FREM2: variants seen among roughly 807,000 people sequenced by gnomAD.
FREM2 encodes FRAS1 related extracellular matrix 2.
FREM2 carries 119 observed loss-of-function variants against 219.9 expected under a neutral mutation model. That is an observed-to-expected ratio of 0.54 (90% CI 0.47 to 0.63). The LOEUF (loss-of-function observed/expected upper bound fraction) is 0.63, where lower values mean the gene tolerates loss of function less well. Ranked by LOEUF, FREM2 falls within the 30% of genes least tolerant of loss-of-function variation. The pLI is 0.00. For synonymous variants in FREM2, 1,562 were observed against 1,522.8 expected, an observed-to-expected ratio of 1.03 and a Z score of -0.60; for missense variants, 4,030 against 3,993.6, an observed-to-expected ratio of 1.01 and a Z score of -0.25.
At chr13:38,818,386 A>G (rs1315965656) in intron 6 of FREM2, among the ~76,000 whole-genome samples, 1 of 152,140 alleles carries the variant, frequency 6.6e-6, no homozygotes, top group African/African-American at 2.4e-5. Context: ...TTGAGACAAC[A>G]TGGGTGAACC....
intron 2 of FREM2, among the ~76,000 whole-genome samples, chr13:38,715,177 A>G (rs1368441098): frequency 2.0e-5 from 3 of 152,204 alleles, no homozygotes; most frequent in African/African-American, 7.2e-5. Flanking sequence ...TTTTGACATC[A>G]TGTTTATTTA....
chr13:38,703,395 G>A (rs1015355447), intron 2 of FREM2, among the ~76,000 whole-genome samples: 1 of 152,136 alleles, frequency 6.6e-6, no homozygotes, highest in African/African-American at 2.4e-5. Context: ...ATAATAAGAT[G>A]GTGAAGTAAT....
At chr13:38,752,732 A>G (rs1439627206) in intron 2 of FREM2, among the ~76,000 whole-genome samples, 1 of 152,242 alleles carries the variant, frequency 6.6e-6, no homozygotes, top group Non-Finnish European at 1.5e-5. Flanking sequence ...TCAGACTGTA[A>G]TCCATGTTAA....
chr13:38,692,686 C>G (rs576336782), intron 1 of FREM2, among the ~76,000 whole-genome samples, 169 bp downstream of exon 1: 1 of 152,280 alleles, frequency 6.6e-6, no homozygotes, highest in South Asian at 2.1e-4. Context: ...CCCTTCTTGT[C>G]CTACCTCCCA....
Position 38,739,680 on chromosome 13 carries a change from G to A in FREM2, c.5264-24624G>A, listed in dbSNP as rs534759332. On this transcript the variant is annotated intron_variant, in intron 2 of 23. Transcript: ENST00000280481. ...TTTCGTGGTCACTACATACACCTGC[G>A]GCACCCTCACATCACCCAGGACGGA... Among the ~76,000 whole-genome samples, 8 of 151,986 alleles carry A rather than the reference G, an allele frequency of 5.3e-5. No homozygotes were observed. The East Asian group carries it at 1.2e-3, about 22-fold the overall frequency.
At chr13:38,722,784 C>T (rs1871342955) in intron 2 of FREM2, among the ~76,000 whole-genome samples, 1 of 148,702 alleles carries the variant, frequency 6.7e-6, no homozygotes, top group Non-Finnish European at 1.5e-5. Context: ...GTCCACGTGA[C>T]CTCAGAGATT....
intron 2 of FREM2, among the ~76,000 whole-genome samples, chr13:38,750,052 T>G (rs1050782920): frequency 6.6e-6 from 1 of 152,192 alleles, no homozygotes; most frequent in Non-Finnish European, 1.5e-5. Flanking sequence ...AACTTTTACC[T>G]GTATGTAGTA....
intron 2 of FREM2, among the ~76,000 whole-genome samples, chr13:38,702,475 T>C (rs1288638859): frequency 6.6e-6 from 1 of 152,202 alleles, no homozygotes; most frequent in African/African-American, 2.4e-5. Flanking sequence ...GGTGGAGAAG[T>C]AGAAGACAAT....
chr13:38,690,878 C>G lies in FREM2; in HGVS notation c.3534C>G (p.Phe1178Leu). The G allele has an allele frequency of 6.2e-7, 1 of 1,614,128 alleles. No homozygotes were observed. Among genetic ancestry groups the G allele is most frequent in the Non-Finnish European group, 8.5e-7 (1 of 1,180,008 alleles). Residue 1178 changes from phenylalanine (F) to leucine (L), a missense_variant, in exon 1 of 24, where the codon TTC becomes TTG. Phe to Leu is a conservative substitution (Grantham distance 22). Transcript: ENST00000280481. ...GCATTAACTTTTCAGAGAGACAGTT[C>G]TTCCCCATTGTAATCATTCCCACCA... is the stretch of plus-strand genomic sequence containing the variant. ...SDGINFSERQ[F>L]FPIVIIPTND...
Position 38,691,503 on chromosome 13 carries a change from C to A in FREM2, c.4159C>A (p.Gln1387Lys). ...RNLIQYVHLGQEGIRDLIKFD... is the reference protein window; with the variant it reads ...RNLIQYVHLGKEGIRDLIKFD... ...CTTAATTCAGTATGTCCATTTGGGG[C>A]AAGAGGGCATTCGGGACCTAATTAA... The change falls in exon 1 of 24, where the codon CAA becomes AAA. Residue 1387 changes from glutamine (Q) to lysine (K), a missense_variant. Physicochemically the swap from Gln to Lys is moderately conservative, Grantham distance 53. This residue lies in a region of FREM2 where 3,102 missense variants were observed against 2,950.7 expected (regional missense o/e 1.05). Transcript: ENST00000280481. 2 of 1,614,094 alleles carry A rather than the reference C, an allele frequency of 1.2e-6. No individual in the cohort carries two copies.
At chr13:38,841,311 C>G (rs888790988) in intron 6 of FREM2, among the ~76,000 whole-genome samples, 4 of 152,180 alleles carry the variant, frequency 2.6e-5, no homozygotes, top group Admixed American at 1.3e-4. Context: ...AAAAACAGTG[C>G]TGGGCCTGTG....
At chr13:38,854,117 CAA>C (rs34001823) in intron 11 of FREM2, among the ~76,000 whole-genome samples, 2 of 117,682 alleles carry the variant, frequency 1.7e-5, no homozygotes, top group Non-Finnish European at 3.6e-5. Flanking sequence ...GAGTTCTTTG[CAA>C]AAAAAAAAAC....
rs1869705323 is a variant in FREM2 at position 38,689,541 on chromosome 13, A to G, written c.2197A>G (p.Thr733Ala). The change falls in exon 1 of 24, where the codon ACA (threonine) becomes GCA (alanine). Residue 733 changes from threonine to alanine, a missense_variant. Around this residue, in one of 2 missense-constraint regions of FREM2, gnomAD observed 3,102 missense variants for 2,950.7 expected, o/e 1.05. Coordinates refer to ENST00000280481, the MANE Select transcript of FREM2 (RefSeq NM_207361.6). Reference protein sequence around the residue: ...KKWLRYTDLDTDDRELRYTVT... With the variant: ...KKWLRYTDLDADDRELRYTVT... ...GTGGCTGCGCTACACTGACCTGGAC[A>G]CAGATGACCGAGAACTACGTTACAC... 7 of 1,613,958 alleles carry G rather than the reference A, an allele frequency of 4.3e-6. No homozygotes were observed. The highest frequency in any genetic ancestry group is 5.9e-6 in the Non-Finnish European group (7 of 1,179,922).
intron 13 of FREM2, among the ~76,000 whole-genome samples, chr13:38,858,648 CA>C (rs1239163925): frequency 6.6e-6 from 1 of 152,192 alleles, no homozygotes; most frequent in Non-Finnish European, 1.5e-5. Flanking sequence ...ATTACAACAG[CA>C]CTTCTAAAAT....
Position 38,864,532 on chromosome 13 carries a change from T to C in FREM2, c.7909T>C (p.Trp2637Arg). Reference protein sequence around the residue: ...YRNLNLEACLWEFVSYYDMSE... With the variant: ...YRNLNLEACLREFVSYYDMSE... ...GAACCTGAACCTAGAGGCCTGTTTA[T>C]GGGAGTTCGTTAGCTACTATGACAT... The change falls in exon 16 of 24, where the codon TGG becomes CGG. Residue 2637 changes from tryptophan (W) to arginine (R), a missense_variant. By Grantham distance (101) the Trp-to-Arg change is moderately radical (BLOSUM62 -3). Transcript: ENST00000280481. The C allele has an allele frequency of 6.2e-7, 1 of 1,614,250 alleles. No homozygotes were observed. The highest frequency in any genetic ancestry group is 8.5e-7 in the Non-Finnish European group (1 of 1,180,038).
In FREM2 at chr13:38,874,680, T is replaced by C. The variant is rs555685285; in HGVS notation, c.8281+94T>C. 138 of 941,610 alleles carry C rather than the reference T, an allele frequency of 1.5e-4. No individual in the cohort carries two copies. In the East Asian group the frequency reaches 3.3e-3, roughly 22 times the overall value. The allele number at this position is 941,610 out of a possible 1,614,324, so 58.3% of individuals were successfully genotyped here. A position where few individuals can be genotyped will look rare whatever the true frequency, so the allele number is the denominator to read the frequency against. On this transcript the variant is annotated intron_variant, in intron 18 of 23. Transcript: ENST00000280481. ...TTTCAGCGTGCTTCTCTGTTACCAC[T>C]GAAGCCCTTAATCTCAAATGAATTG... is the stretch of plus-strand genomic sequence containing the variant.
intron 3 of FREM2, among the ~76,000 whole-genome samples, chr13:38,768,483 C>T (rs1272838347): frequency 6.6e-6 from 1 of 151,876 alleles, no homozygotes; most frequent in African/African-American, 2.4e-5. Context: ...CACCATGTTT[C>T]CCAGGATGGT....
chr13:38,796,667 G>A (rs1006801301), intron 6 of FREM2, among the ~76,000 whole-genome samples: 16 of 152,002 alleles, frequency 1.1e-4, no homozygotes, highest in African/African-American at 3.9e-4. Flanking sequence ...TTATTCATCT[G>A]TCAATGGACA....
chr13:38,705,053 C>G (rs1167108568), intron 2 of FREM2, among the ~76,000 whole-genome samples: 1 of 152,116 alleles, frequency 6.6e-6, no homozygotes, highest in Non-Finnish European at 1.5e-5. Context: ...ATATCCCAAA[C>G]TAAATCATTT....
Sources: gnomAD v4.1 joint callset for allele counts (sites outside exome capture counted in the v4.1 genomes callset) on GRCh38, gnomAD v4.1.1 for gene constraint, gnomAD v4.1.1 regional missense constraint, MANE v1.5 for transcripts, NCBI Gene and HGNC (gene_info 2026-07-23, HGNC 2026-07-21) for gene names.